Variants in DENND1B observed in about 807,000 individuals in gnomAD.
The protein encoded by DENND1B is DENN domain-containing protein 1B.
A neutral mutation model predicts 90.1 loss-of-function variants in DENND1B; 59 were observed. The observed-to-expected ratio is 0.65, with a 90% CI of 0.53 to 0.81. The LOEUF (loss-of-function observed/expected upper bound fraction) is 0.81. Among genes scored for constraint, DENND1B ranks in the 40% least tolerant of loss-of-function variants. The pLI, the probability that DENND1B is intolerant of heterozygous loss-of-function variation, is 0.00. For missense variants in DENND1B, 862 were observed against 912.6 expected (o/e 0.94, Z 0.71); for synonymous variants, 337 against 324.6 (o/e 1.04, Z -0.41).
At chr1:197,629,048 G>A (rs1679070523) in intron 10 of DENND1B, among the ~76,000 whole-genome samples, 1 of 152,112 alleles carries the variant, frequency 6.6e-6, no homozygotes, top group Non-Finnish European at 1.5e-5. Context: ...AGAGGATGTG[G>A]AGAAATAGGT....
intron 14 of DENND1B, among the ~76,000 whole-genome samples, chr1:197,584,474 C>A (rs1253122724): frequency 6.6e-6 from 1 of 152,146 alleles, no homozygotes; most frequent in African/African-American, 2.4e-5. Flanking sequence ...TTGAACAGCA[C>A]AGATATAGAA....
chr1:197,771,953 G>A (rs1656671336), intron 2 of DENND1B, among the ~76,000 whole-genome samples: 1 of 152,130 alleles, frequency 6.6e-6, no homozygotes, highest in Non-Finnish European at 1.5e-5. Context: ...AAAAGTGGAG[G>A]GAAATGATGA....
intron 15 of DENND1B, among the ~76,000 whole-genome samples, chr1:197,576,177 C>T (rs10922256): frequency 0.16 from 23,994 of 151,998 alleles, 2,165 homozygotes; most frequent in Non-Finnish European, 0.2. Context: ...GAGGCTATGG[C>T]GGAATGACAG....
intron 3 of DENND1B, chr1:197,689,023 G>T: frequency 4.6e-6 from 1 of 215,378 alleles, no homozygotes; most frequent in South Asian, 8.1e-5. Flanking sequence ...ACTACTATGT[G>T]ACTATCATTG....
intron 2 of DENND1B, among the ~76,000 whole-genome samples, chr1:197,724,428 G>A (rs951987498): frequency 6.6e-6 from 1 of 152,022 alleles, no homozygotes; most frequent in African/African-American, 2.4e-5. Context: ...TACTGTAAAT[G>A]CAATAACTCT....
At chr1:197,554,548 ATAAT>A (rs1671538561) in intron 15 of DENND1B, among the ~76,000 whole-genome samples, 1 of 152,044 alleles carries the variant, frequency 6.6e-6, no homozygotes, top group Non-Finnish European at 1.5e-5. Flanking sequence ...GCAATTTAAG[ATAAT>A]TAATAGGCTG....
At chr1:197,513,452 C>T (rs1391890755) in intron 20 of DENND1B, among the ~76,000 whole-genome samples, 1 of 149,002 alleles carries the variant, frequency 6.7e-6, no homozygotes, top group Non-Finnish European at 1.5e-5. Context: ...GATTCTGGTT[C>T]TATAGTGTTT....
At chr1:197,549,919 G>T (rs776677845) in intron 16 of DENND1B, among the ~76,000 whole-genome samples, 20 of 152,122 alleles carry the variant, frequency 1.3e-4, no homozygotes, top group African/African-American at 4.3e-4. Flanking sequence ...GAATCTAGAT[G>T]TTCCTTATCT....
chr1:197,623,468 T>A (rs1040969104), intron 10 of DENND1B, among the ~76,000 whole-genome samples: 1 of 151,476 alleles, frequency 6.6e-6, no homozygotes, highest in African/African-American at 2.4e-5. Context: ...TACTAAATAG[T>A]CTCACTTAAG....
intron 18 of DENND1B, among the ~76,000 whole-genome samples, chr1:197,543,925 C>G (rs1670525654): frequency 6.6e-6 from 1 of 152,050 alleles, no homozygotes; most frequent in South Asian, 2.1e-4. Flanking sequence ...TCAATCACAT[C>G]AACTCACTTA....
At chr1:197,608,971 G>A (rs1236686720) in intron 12 of DENND1B, among the ~76,000 whole-genome samples, 1 of 149,982 alleles carries the variant, frequency 6.7e-6, no homozygotes, top group Admixed American at 6.7e-5. Context: ...AAAATAGAGT[G>A]TAACAAATTT....
intron 20 of DENND1B, among the ~76,000 whole-genome samples, chr1:197,524,282 A>T (rs1668986265): frequency 6.6e-6 from 1 of 152,176 alleles, no homozygotes; most frequent in African/African-American, 2.4e-5. Flanking sequence ...CAATATTACT[A>T]ATATTTATGA....
At chr1:197,708,090 C>T (rs1202151832) in intron 3 of DENND1B, among the ~76,000 whole-genome samples, 26 of 134,088 alleles carry the variant, frequency 1.9e-4, no homozygotes, top group Admixed American at 1.1e-3. Flanking sequence ...CCCACGGAAT[C>T]GCGCTGATTG....
intron 3 of DENND1B, among the ~76,000 whole-genome samples, chr1:197,714,554 T>C (rs1271727483): frequency 1.3e-5 from 2 of 152,094 alleles, no homozygotes; most frequent in Non-Finnish European, 1.5e-5. Flanking sequence ...AGGTAAGAAC[T>C]ATTTTAAAAT....
At chr1:197,609,531 T>G (rs572280382) in intron 12 of DENND1B, among the ~76,000 whole-genome samples, 13 of 150,740 alleles carry the variant, frequency 8.6e-5, no homozygotes, top group East Asian at 7.8e-4. Context: ...CTTTAGCCTT[T>G]ATTTTAGAAG....
intron 10 of DENND1B, among the ~76,000 whole-genome samples, chr1:197,640,690 TAAATA>T (rs1175588666): frequency 6.6e-6 from 1 of 152,158 alleles, no homozygotes; most frequent in African/African-American, 2.4e-5. Context: ...GGATATAAAT[TAAATA>T]AAACACCAAT....
intron 13 of DENND1B, among the ~76,000 whole-genome samples, chr1:197,598,247 C>T (rs1457640557): frequency 6.6e-6 from 1 of 151,798 alleles, no homozygotes; most frequent in Non-Finnish European, 1.5e-5. Context: ...CTTCAATTGT[C>T]AGTACATCTG....
chr1:197,635,242 A>G (rs1032297134), intron 10 of DENND1B, among the ~76,000 whole-genome samples: 15 of 152,200 alleles, frequency 9.9e-5, no homozygotes, highest in Non-Finnish European at 1.6e-4. Context: ...ATAATTTTTT[A>G]TTTTAAAAAC....
chr1:197,760,342 T>C (rs1218529164), intron 2 of DENND1B, among the ~76,000 whole-genome samples: 2 of 152,110 alleles, frequency 1.3e-5, no homozygotes, highest in Admixed American at 6.6e-5. Flanking sequence ...GGACAATTAC[T>C]GAGAGAAATG....
Sources: allele counts gnomAD v4.1 joint callset (sites outside exome capture counted in the v4.1 genomes callset), GRCh38; gene constraint gnomAD v4.1.1; transcripts MANE v1.5; gene names NCBI Gene and HGNC (gene_info 2026-07-23, HGNC 2026-07-21).